The following CNTNAP2 variants were observed in gnomAD, a reference collection of about 807,000 sequenced individuals.
The protein encoded by CNTNAP2 is contactin-associated protein-like 2.
A neutral mutation model predicts 155.2 loss-of-function variants in CNTNAP2; 98 were observed. The ratio of observed to expected loss-of-function variants is 0.63; its 90% CI spans 0.54 to 0.75. CNTNAP2 has a LOEUF of 0.75. Ranked by LOEUF, CNTNAP2 falls within the 30% of genes least tolerant of loss-of-function variation. The pLI is 0.00. For synonymous variants in CNTNAP2, 651 were observed against 631.2 expected (o/e 1.03, Z -0.47); for missense variants, 1,727 against 1,688.1 (o/e 1.02, Z -0.40).
At chr7:146,222,916 CCCA>C (rs1799232058) in intron 1 of CNTNAP2, among the ~76,000 whole-genome samples, 3 of 152,038 alleles carry the variant, frequency 2.0e-5, no homozygotes, top group Admixed American at 2.0e-4. Context: ...GCCTCGGCCT[CCCA>C]AAGTGCTGGG....
At chr7:147,430,949 G>A (rs1458985273) in intron 10 of CNTNAP2, among the ~76,000 whole-genome samples, 1 of 151,866 alleles carries the variant, frequency 6.6e-6, no homozygotes, top group East Asian at 1.9e-4. Context: ...TCGGGAGGCT[G>A]AGGCAGGAGA....
intron 1 of CNTNAP2, among the ~76,000 whole-genome samples, chr7:146,485,451 T>G (rs983540963): frequency 3.9e-5 from 6 of 152,150 alleles, no homozygotes; most frequent in African/African-American, 1.4e-4. Flanking sequence ...ATAGCAAAAT[T>G]TCTTATGTGA....
intron 12 of CNTNAP2, among the ~76,000 whole-genome samples, chr7:147,600,375 G>T (rs962017066): frequency 6.6e-6 from 1 of 152,162 alleles, no homozygotes; most frequent in Non-Finnish European, 1.5e-5. Flanking sequence ...GGGCCTCACG[G>T]TCTCTACCAC....
At chr7:147,804,545 T>C (rs1798059178) in intron 13 of CNTNAP2, among the ~76,000 whole-genome samples, 1 of 131,238 alleles carries the variant, frequency 7.6e-6, no homozygotes, top group African/African-American at 3.6e-5. Flanking sequence ...CTTCAGTTTT[T>C]GTTTTTTTGT....
intron 1 of CNTNAP2, among the ~76,000 whole-genome samples, chr7:146,135,661 G>A (rs544500685): frequency 4.6e-5 from 7 of 151,992 alleles, no homozygotes; most frequent in Non-Finnish European, 1.0e-4. Context: ...GTTTCCTATT[G>A]ACAATATTTT....
At chr7:146,854,031 GA>G (rs1794930914) in intron 3 of CNTNAP2, among the ~76,000 whole-genome samples, 1 of 152,174 alleles carries the variant, frequency 6.6e-6, no homozygotes, top group Non-Finnish European at 1.5e-5. Context: ...CTATAGGAGA[GA>G]AAACAACAGA....
chr7:146,311,125 A>G (rs1193259871), intron 1 of CNTNAP2, among the ~76,000 whole-genome samples: 3 of 152,204 alleles, frequency 2.0e-5, no homozygotes, highest in African/African-American at 7.2e-5. Context: ...TAGGTCAGAT[A>G]TTGTTATATT....
intron 1 of CNTNAP2, among the ~76,000 whole-genome samples, chr7:146,593,740 G>A (rs1457193783): frequency 6.6e-6 from 1 of 152,092 alleles, no homozygotes; most frequent in African/African-American, 2.4e-5. Flanking sequence ...CTCCTTTGAA[G>A]TTTTATTAAT....
At chr7:148,382,276 G>A (rs763708152) in intron 21 of CNTNAP2, among the ~76,000 whole-genome samples, 18 of 152,136 alleles carry the variant, frequency 1.2e-4, no homozygotes, top group Admixed American at 2.6e-4. Flanking sequence ...TTCCACCATC[G>A]GAACCCCGTG....
chr7:147,821,692 A>G (rs1016859604), intron 13 of CNTNAP2, among the ~76,000 whole-genome samples: 1 of 152,084 alleles, frequency 6.6e-6, no homozygotes, highest in African/African-American at 2.4e-5. Context: ...AGGCCCTGAA[A>G]AGGGAAATGG....
intron 1 of CNTNAP2, among the ~76,000 whole-genome samples, chr7:146,333,979 T>G (rs972138448): frequency 6.6e-6 from 1 of 152,178 alleles, no homozygotes; most frequent in Non-Finnish European, 1.5e-5. Context: ...AATATAATCC[T>G]GATCCATGAC....
chr7:147,776,561 G>T (rs1797589138), intron 13 of CNTNAP2, among the ~76,000 whole-genome samples: 1 of 152,030 alleles, frequency 6.6e-6, no homozygotes, highest in Non-Finnish European at 1.5e-5. Flanking sequence ...TAGCTGCTGA[G>T]ATATTCATGA....
intron 1 of CNTNAP2, among the ~76,000 whole-genome samples, chr7:146,564,926 A>T (rs769229875): frequency 4.6e-5 from 7 of 152,134 alleles, no homozygotes; most frequent in Admixed American, 2.0e-4. Context: ...GAAACTGAGC[A>T]TCTAGAAGTT....
At chr7:148,061,110 A>AAAG (rs1803120786) in intron 15 of CNTNAP2, among the ~76,000 whole-genome samples, 1 of 152,232 alleles carries the variant, frequency 6.6e-6, no homozygotes, top group East Asian at 1.9e-4. Flanking sequence ...AGTATTGATC[A>AAAG]AAGACATTAA....
chr7:147,592,578 A>G (rs1800758038), intron 12 of CNTNAP2, among the ~76,000 whole-genome samples: 4 of 151,624 alleles, frequency 2.6e-5, no homozygotes, highest in Non-Finnish European at 5.9e-5. Flanking sequence ...ATATCCCATG[A>G]CCCAATTCAT....
At chr7:146,275,174 AATAG>A (rs1484052735) in intron 1 of CNTNAP2, among the ~76,000 whole-genome samples, 2 of 152,202 alleles carry the variant, frequency 1.3e-5, no homozygotes, top group Non-Finnish European at 2.9e-5. Flanking sequence ...TTCTGTATCA[AATAG>A]ATAAGATTTT....
intron 8 of CNTNAP2, among the ~76,000 whole-genome samples, chr7:147,238,846 C>T (rs992983438): frequency 2.0e-5 from 3 of 152,178 alleles, no homozygotes; most frequent in Non-Finnish European, 4.4e-5. Flanking sequence ...ATGAAAGCAT[C>T]ATTCAGTCCA....
At chr7:146,322,953 A>G (rs1022462027) in intron 1 of CNTNAP2, among the ~76,000 whole-genome samples, 1 of 151,910 alleles carries the variant, frequency 6.6e-6, no homozygotes, top group African/African-American at 2.4e-5. Context: ...TTCTTACAAA[A>G]TATTATCTTT....
chr7:147,855,178 GTAAA>G (rs1799015739), intron 13 of CNTNAP2, among the ~76,000 whole-genome samples: 1 of 152,078 alleles, frequency 6.6e-6, no homozygotes, highest in Non-Finnish European at 1.5e-5. Flanking sequence ...TAGTTGGTGT[GTAAA>G]AGTCATGGTG....
Sources: gnomAD v4.1 joint callset for allele counts (sites outside exome capture counted in the v4.1 genomes callset) on GRCh38, gnomAD v4.1.1 for gene constraint, MANE v1.5 for transcripts, NCBI Gene and HGNC (gene_info 2026-07-23, HGNC 2026-07-21) for gene names.